ADGRV1: variants seen among roughly 807,000 people sequenced by gnomAD.
ADGRV1 encodes the protein G-protein coupled receptor 98.
Under a neutral mutation model 596.2 loss-of-function variants are expected in ADGRV1, and 359 were observed. The observed-to-expected ratio is 0.60, with a 90% CI of 0.55 to 0.66. ADGRV1 has a LOEUF of 0.66. ADGRV1 is among the 30% of genes least tolerant of loss of function. The probability of loss-of-function intolerance (pLI) is 0.00; values close to 1 mark genes in which losing one functional copy is unlikely to be tolerated. For missense variants in ADGRV1, 7,274 were observed against 7,575.6 expected, an observed-to-expected ratio of 0.96 and a Z score of 1.48; for synonymous variants, 2,681 against 2,679.2, an observed-to-expected ratio of 1.00 and a Z score of -0.02.
At chr5:90,663,769 C>T (rs938912816) in intron 21 of ADGRV1, among the ~76,000 whole-genome samples, 1 of 151,980 alleles carries the variant, frequency 6.6e-6, no homozygotes, top group Admixed American at 6.6e-5. Context: ...GTCTTTAATC[C>T]ATCTTGAATT....
At chr5:90,923,775 C>T (rs1774123424) in intron 83 of ADGRV1, among the ~76,000 whole-genome samples, 1 of 150,518 alleles carries the variant, frequency 6.6e-6, no homozygotes. Flanking sequence ...TGCTATCCCT[C>T]CCCCTGCCCC....
chr5:90,750,775 T>C, intron 53 of ADGRV1, 78 bp downstream of exon 53: 3 of 1,096,756 alleles, frequency 2.7e-6, no homozygotes. Context: ...TCCTGCCTTA[T>C]GGATGAAGTG....
chr5:90,577,072 A>G (rs931132340), intron 1 of ADGRV1, among the ~76,000 whole-genome samples: 2 of 152,060 alleles, frequency 1.3e-5, no homozygotes, highest in Admixed American at 6.6e-5. Context: ...TAGGTTGCCT[A>G]TTCATGCTGA....
chr5:91,055,789 AG>A (rs1562152680), intron 85 of ADGRV1, among the ~76,000 whole-genome samples: 1 of 152,264 alleles, frequency 6.6e-6, no homozygotes, highest in Non-Finnish European at 1.5e-5. Flanking sequence ...AACAGGCAAC[AG>A]AATCTTTAAG....
intron 85 of ADGRV1, among the ~76,000 whole-genome samples, chr5:91,052,405 C>A (rs1786422943): frequency 6.7e-6 from 1 of 149,860 alleles, no homozygotes; most frequent in South Asian, 2.1e-4. Flanking sequence ...TTGTTGATAG[C>A]ACTGAAAAAA....
chr5:90,628,260 A>AAAATAAAATAAAAG (rs1765057247), intron 7 of ADGRV1, among the ~76,000 whole-genome samples: 3 of 53,480 alleles, frequency 5.6e-5, no homozygotes, highest in African/African-American at 3.3e-4. Flanking sequence ...TAAAATAAAA[A>AAAATAAAATAAAAG]GATTAGCTGA....
chr5:91,094,842 A>G (rs140574593), intron 86 of ADGRV1, among the ~76,000 whole-genome samples: 1,910 of 152,244 alleles, frequency 0.013, 47 homozygotes, highest in African/African-American at 0.043. Context: ...AGAAGTGAAG[A>G]TGCAGATTCA....
chr5:90,709,443 A>G (rs1340960228), intron 39 of ADGRV1, among the ~76,000 whole-genome samples: 2 of 152,304 alleles, frequency 1.3e-5, no homozygotes, highest in African/African-American at 2.4e-5. Flanking sequence ...ATGTATTCCT[A>G]TGTTTAAACA....
At chr5:90,585,769 G>C (rs1237455892) in intron 1 of ADGRV1, among the ~76,000 whole-genome samples, 1 of 152,236 alleles carries the variant, frequency 6.6e-6, no homozygotes, top group African/African-American at 2.4e-5. Context: ...CCTGCAGTGA[G>C]ACCTCTGTAG....
Position 90,960,034 on chromosome 5 carries a change from G to A in ADGRV1, c.17857-5381G>A, listed in dbSNP as rs561554727. On this transcript the variant is annotated intron_variant, in intron 83 of 89. Coordinates refer to ENST00000405460, the MANE Select transcript of ADGRV1 (RefSeq NM_032119.4). ...GGCACCTGTAGTCCCAGCTACTCGG[G>A]AGGCTGAGGCAGGAGAATGGCGTGA... is the stretch of plus-strand genomic sequence containing the variant. Among the ~76,000 whole-genome samples the A allele has an allele frequency of 4.6e-3, 691 of 151,790 alleles. 4 individuals are homozygous for A. The highest frequency in any genetic ancestry group is 8.2e-3 in the Non-Finnish European group (558 of 67,964).
chr5:91,011,072 G>A (rs1190279137), intron 85 of ADGRV1, among the ~76,000 whole-genome samples: 1 of 151,834 alleles, frequency 6.6e-6, no homozygotes, highest in Non-Finnish European at 1.5e-5. Context: ...GTTTTCTCTA[G>A]GAAATGGGAT....
chr5:90,891,383 A>G (rs1334757308), intron 83 of ADGRV1, among the ~76,000 whole-genome samples: 1 of 151,428 alleles, frequency 6.6e-6, no homozygotes, highest in African/African-American at 2.4e-5. Flanking sequence ...ACCTTCCTAT[A>G]GATGACTGAT....
chr5:90,887,246 T>A (rs1770396056), intron 83 of ADGRV1, among the ~76,000 whole-genome samples: 1 of 152,190 alleles, frequency 6.6e-6, no homozygotes, highest in Non-Finnish European at 1.5e-5. Flanking sequence ...CCGTGGTCTC[T>A]GCCTGGCATG....
intron 75 of ADGRV1, among the ~76,000 whole-genome samples, chr5:90,816,920 T>C (rs1203083741): frequency 6.6e-6 from 1 of 152,146 alleles, no homozygotes; most frequent in Non-Finnish European, 1.5e-5. Flanking sequence ...CCTTTGGGTA[T>C]ATACCCAGTA....
chr5:90,693,985 ACT>A lies in ADGRV1; in HGVS notation c.7230_7231del (p.Tyr2410Ter), dbSNP rs1561541151. On this transcript the variant is annotated stop_gained and frameshift_variant, in exon 33 of 90. Coordinates refer to ENST00000405460, the MANE Select transcript of ADGRV1 (RefSeq NM_032119.4). LOFTEE classifies it high-confidence loss of function. Reference sequence around the variant, plus strand: ...GAGGAAGGTCAAGATTTACTGTCCTACTATGAATCTCCAATTCAAGGGGTGCC... The same window carrying A: ...GAGGAAGGTCAAGATTTACTGTCCTAATGAATCTCCAATTCAAGGGGTGCC... The A allele has an allele frequency of 1.9e-6, 3 of 1,613,364 alleles. No homozygotes were observed. The highest frequency in any genetic ancestry group is 2.5e-6 in the Non-Finnish European group (3 of 1,179,616).
At position 90,693,678 on chromosome 5, in the gene ADGRV1, A is replaced by G. The variant is rs143510368; in HGVS notation, c.7134-212A>G. Among the ~76,000 whole-genome samples, 494 of 152,352 alleles carry G rather than the reference A, an allele frequency of 3.2e-3. 8 individuals are homozygous for G. Among genetic ancestry groups the G allele is most frequent in the African/African-American group, 0.012 (483 of 41,580 alleles). ...AAATATTTTCATAGCTTGGTTAAAA[A>G]TAAGTGTTGTTTGATTGAAAATTAG... is the stretch of plus-strand genomic sequence containing the variant. On this transcript the variant is annotated intron_variant, in intron 32 of 89. Coordinates refer to ENST00000405460, the MANE Select transcript of ADGRV1 (RefSeq NM_032119.4).
Position 90,658,033 on chromosome 5 carries a change from G to T in ADGRV1, c.4507G>T (p.Ala1503Ser), listed in dbSNP as rs201391886. 2.5e-6 allele frequency: 4 copies of T among 1,613,846 alleles called. No individual in the cohort carries two copies. Among genetic ancestry groups the T allele is most frequent in the East Asian group, 4.5e-5 (2 of 44,864 alleles). ...EEIYELHAMPAKSDLHPISGY... is the reference protein window; with the variant it reads ...EEIYELHAMPSKSDLHPISGY... Reference sequence around the variant, plus strand: ...AATTTATGAACTTCATGCCATGCCCGCAAAAAGTGATTTACACCCAATTTC... The same window carrying T: ...AATTTATGAACTTCATGCCATGCCCTCAAAAAGTGATTTACACCCAATTTC... Residue 1503 changes from alanine (A) to serine (S), a missense_variant, in exon 21 of 90, where the codon GCA becomes TCA. Physicochemically the swap from Ala to Ser is moderately conservative, Grantham distance 99. Transcript: ENST00000405460.
In ADGRV1 at chr5:90,694,602, A is replaced by C. The variant is rs1274520933; in HGVS notation, c.7846A>C (p.Ser2616Arg). 1 of 1,613,850 alleles carries C rather than the reference A, an allele frequency of 6.2e-7. No homozygotes were observed. Among genetic ancestry groups the C allele is most frequent in the Middle Eastern group, 1.7e-4 (1 of 6,058 alleles). The change falls in exon 33 of 90, where the codon AGC (serine) becomes CGC (arginine). Residue 2616 changes from serine (S) to arginine (R), a missense_variant. By Grantham distance (110) the Ser-to-Arg change is moderately radical. Transcript: ENST00000405460. Reference protein sequence around the residue: ...VELMIHRTGGSLGQVAVEWRV... With the variant: ...VELMIHRTGGRLGQVAVEWRV... ...GCTGATGATACACAGGACAGGGGGC[A>C]GCTTAGGTCAAGTGGCAGTCGAATG... is the stretch of plus-strand genomic sequence containing the variant.
chr5:90,593,202 A>G (rs1759754246), intron 1 of ADGRV1, among the ~76,000 whole-genome samples: 1 of 152,246 alleles, frequency 6.6e-6, no homozygotes, highest in Non-Finnish European at 1.5e-5. Flanking sequence ...GAACCAACCC[A>G]AATGTCCATC....
Sources: gnomAD v4.1 joint callset for allele counts (sites outside exome capture counted in the v4.1 genomes callset) on GRCh38, gnomAD v4.1.1 for gene constraint, MANE v1.5 for transcripts, NCBI Gene and HGNC (gene_info 2026-07-23, HGNC 2026-07-21) for gene names.